Variants in SPTB observed in about 807,000 individuals in gnomAD.
SPTB encodes the protein spectrin beta, erythrocytic.
SPTB carries 45 observed loss-of-function variants against 256.2 expected under a neutral mutation model. That is an observed-to-expected ratio of 0.18 (90% CI 0.14 to 0.23). The LOEUF (loss-of-function observed/expected upper bound fraction) is 0.23, where lower values mean the gene tolerates loss of function less well. Among genes scored for constraint, SPTB ranks in the 10% least tolerant of loss-of-function variants. The pLI is 1.00. For synonymous variants in SPTB, 1,231 were observed against 1,243.1 expected (o/e 0.99, Z 0.21); for missense variants, 2,715 against 3,040.4 (o/e 0.89, Z 2.52).
In SPTB at chr14:64,795,786, G is replaced by T; in HGVS notation, c.1342-147C>A. ...CAGCTAGTTCTGCCTTACTTTTGCAGCCTGTCTTATCAGACCCAAGTTCCA... is the reference window on the plus strand; with the variant it reads ...CAGCTAGTTCTGCCTTACTTTTGCATCCTGTCTTATCAGACCCAAGTTCCA... On this transcript the variant is annotated intron_variant, in intron 11 of 35. Transcript: ENST00000644917. This position sits in a 1 kb window ranked among gnomAD's most constrained non-coding sequence, Gnocchi z 6.5. The T allele has an allele frequency of 3.5e-6, 3 of 861,536 alleles. No homozygotes were observed. Among genetic ancestry groups the T allele is most frequent in the South Asian group, 1.5e-5 (1 of 67,148 alleles). The allele number at this position is 861,536 out of a possible 1,614,324, so 53.4% of individuals were successfully genotyped here. A position where few individuals can be genotyped will look rare whatever the true frequency, so the allele number is the denominator to read the frequency against.
At chr14:64,857,882 G>T (rs395112) in intron 1 of SPTB, among the ~76,000 whole-genome samples, 142,742 of 152,242 alleles carry the variant, frequency 0.94, 67,552 homozygotes, top group Non-Finnish European at 0.98. Flanking sequence ...CTGCTAAAAA[G>T]CAACAAATTT....
intron 13 of SPTB, 150 bp downstream of exon 13, chr14:64,794,317 G>A: frequency 9.2e-7 from 1 of 1,090,866 alleles, no homozygotes; most frequent in Non-Finnish European, 1.3e-6. Context: ...AATTTGGCTG[G>A]TCCCTCAAGC....
At chr14:64,854,118 G>A (rs1430597909) in intron 1 of SPTB, among the ~76,000 whole-genome samples, 8 of 151,018 alleles carry the variant, frequency 5.3e-5, no homozygotes, top group African/African-American at 1.9e-4. Context: ...CTTGAACCCA[G>A]GAGGCAGAAG....
In SPTB at chr14:64,759,043, C is replaced by G. The variant is rs2082057512; in HGVS notation, c.6346-5250G>C. Among the ~76,000 whole-genome samples, 2 of 152,086 alleles carry G rather than the reference C, an allele frequency of 1.3e-5. No individual in the cohort carries two copies. The highest frequency in any genetic ancestry group is 4.1e-4 in the South Asian group (2 of 4,822). ...CAGAATTCTAGAGCTGGAAAGAGGC[C>G]TTGGGGTCATGGGACTCAGCCTCTC... is the stretch of plus-strand genomic sequence containing the variant. On this transcript the variant is annotated intron_variant, in intron 32 of 35. Coordinates refer to ENST00000644917, the MANE Select transcript of SPTB (RefSeq NM_001355436.2). This position sits in a 1 kb window ranked among gnomAD's most constrained non-coding sequence, Gnocchi z 4.8.
chr14:64,872,331 C>A (rs1166249989), intron 1 of SPTB, among the ~76,000 whole-genome samples: 1 of 152,204 alleles, frequency 6.6e-6, no homozygotes, highest in East Asian at 1.9e-4. Flanking sequence ...CCAGGACTAT[C>A]ATCCTGATCC....
intron 31 of SPTB, 112 bp downstream of exon 31, chr14:64,767,191 C>T: frequency 1.5e-6 from 2 of 1,374,814 alleles, no homozygotes; most frequent in Non-Finnish European, 2.1e-6. Context: ...CGAGGGTGCC[C>T]AGTGTGAGAA....
In SPTB at chr14:64,873,385, A is replaced by AGATC. The variant is rs1212460798; in HGVS notation, c.-52+6403_-52+6406dup. On this transcript the variant is annotated intron_variant, in intron 1 of 35. Transcript: ENST00000644917. This position sits in a 1 kb window ranked among gnomAD's most constrained non-coding sequence, Gnocchi z 4.3. ...ACTGACATACAAATCAAGGCCCTCA[A>AGATC]GATCACTGGACAAAAAGAGGCTGCT... Among the ~76,000 whole-genome samples the AGATC allele has an allele frequency of 6.6e-6, 1 of 152,228 alleles. No individual in the cohort carries two copies. The highest frequency in any genetic ancestry group is 2.4e-5 in the African/African-American group (1 of 41,456).
Position 64,795,364 on chromosome 14 carries a change from G to A in SPTB, c.1617C>T (p.His539=), listed in dbSNP as rs758196795. ...TGATCTCATCCATCCAGTCGATGCT[G>A]TGCAGCATGTCCTGGAAGAGCTTCT... ...ALQKLFQDML[H]SIDWMDEIKA... Residue 539 remains histidine (H), a synonymous_variant, in exon 12 of 36, where the codon CAC becomes CAT. Transcript: ENST00000644917. The surrounding 1 kb of genome is among the most constrained non-coding windows in gnomAD (Gnocchi z 6.5). The A allele has an allele frequency of 6.2e-7, 1 of 1,612,352 alleles. No individual in the cohort carries two copies.
At chr14:64,797,657 G>T in intron 10 of SPTB, 72 bp downstream of exon 10, 2 of 1,189,946 alleles carry the variant, frequency 1.7e-6, no homozygotes, top group South Asian at 2.4e-5. Flanking sequence ...CTGGTCCAAT[G>T]ACCATTCACT....
At chr14:64,862,700 C>G (rs1458394666) in intron 1 of SPTB, among the ~76,000 whole-genome samples, 1 of 151,868 alleles carries the variant, frequency 6.6e-6, no homozygotes, top group Non-Finnish European at 1.5e-5. Flanking sequence ...ATGGTGAAAC[C>G]CCGTCTCTAC....
At chr14:64,856,967 G>C (rs2139790159) in intron 1 of SPTB, among the ~76,000 whole-genome samples, 1 of 152,276 alleles carries the variant, frequency 6.6e-6, no homozygotes, top group East Asian at 1.9e-4. Flanking sequence ...AAGAAAATTT[G>C]AGTCCATGCT....
chr14:64,878,708 T>C (rs1032542898), intron 1 of SPTB, among the ~76,000 whole-genome samples: 2 of 152,106 alleles, frequency 1.3e-5, no homozygotes, highest in African/African-American at 4.8e-5. Flanking sequence ...GACTGCCTCC[T>C]ACCTGGAGGT....
intron 1 of SPTB, among the ~76,000 whole-genome samples, chr14:64,874,049 C>A (rs190139271): frequency 1.1e-4 from 16 of 152,262 alleles, no homozygotes; most frequent in South Asian, 4.1e-4. Flanking sequence ...TTTCATCACA[C>A]CCCTTTATGA....
chr14:64,779,836 C>CA lies in SPTB; in HGVS notation c.4361dup (p.Leu1454PhefsTer37). On this transcript the variant is annotated frameshift_variant, in exon 21 of 36. Coordinates refer to ENST00000644917, the MANE Select transcript of SPTB (RefSeq NM_001355436.2). LOFTEE classifies it high-confidence loss of function. The surrounding 1 kb of genome is among the most constrained non-coding windows in gnomAD (Gnocchi z 4.2). The stretch of plus-strand genomic sequence containing the variant: ...GGTCCAGGAACCGCTTCTCGATGCT[C>CA]AAGTCTGCATCTCCTCCCTCCTCTC... The CA allele has an allele frequency of 6.2e-7, 1 of 1,614,158 alleles. No individual in the cohort carries two copies. Among genetic ancestry groups the CA allele is most frequent in the Non-Finnish European group, 8.5e-7 (1 of 1,180,026 alleles).
In SPTB at chr14:64,786,421, C is replaced by T; in HGVS notation, c.3544G>A (p.Ala1182Thr). Residue 1182 changes from alanine (A) to threonine (T), a missense_variant, in exon 16 of 36, where the codon GCC (alanine) becomes ACC (threonine). Coordinates refer to ENST00000644917, the MANE Select transcript of SPTB (RefSeq NM_001355436.2). The surrounding 1 kb of genome is among the most constrained non-coding windows in gnomAD (Gnocchi z 5.6). ...CTCTCTACCTGGTTGCTGAGGATGG[C>T]TTCAGCCTGCTTGGCATCTTTCTGG... ...EFQKDAKQAE[A>T]ILSNQEYTLA... is the part of the protein sequence containing the mutation. 1 of 1,614,122 alleles carries T rather than the reference C, an allele frequency of 6.2e-7. No individual in the cohort carries two copies. Among genetic ancestry groups the T allele is most frequent in the Non-Finnish European group, 8.5e-7 (1 of 1,180,036 alleles).
At position 64,786,281 on chromosome 14, in the gene SPTB, A is replaced by G. The variant is rs2082566433; in HGVS notation, c.3561+123T>C. 7 of 1,341,404 alleles carry G rather than the reference A, an allele frequency of 5.2e-6. No individual in the cohort carries two copies. Among genetic ancestry groups the G allele is most frequent in the Non-Finnish European group, 7.4e-6 (7 of 943,990 alleles). The allele number at this position is 1,341,404 out of a possible 1,614,324, so 83.1% of individuals were successfully genotyped here. A position where few individuals can be genotyped will look rare whatever the true frequency, so the allele number is the denominator to read the frequency against. ...ATGAGAAACAAAGATTTCCCCCATG[A>G]GTGAATACAGAGTACAAGACAAGAG... is the stretch of plus-strand genomic sequence containing the variant. On this transcript the variant is annotated intron_variant, in intron 16 of 35. Coordinates refer to ENST00000644917, the MANE Select transcript of SPTB (RefSeq NM_001355436.2). The surrounding 1 kb of genome is among the most constrained non-coding windows in gnomAD (Gnocchi z 5.6).
Position 64,792,899 on chromosome 14 carries a change from G to A in SPTB, c.2666+98C>T, listed in dbSNP as rs2082698865. ...AAAGGACATCCCAGGGCCTCTCAAA[G>A]AGACCTTTGCTGATCCAGAGACTAT... On this transcript the variant is annotated intron_variant, in intron 14 of 35. Coordinates refer to ENST00000644917, the MANE Select transcript of SPTB (RefSeq NM_001355436.2). The surrounding 1 kb of genome is among the most constrained non-coding windows in gnomAD (Gnocchi z 4.2). 3 of 1,556,880 alleles carry A rather than the reference G, an allele frequency of 1.9e-6. No individual in the cohort carries two copies. In the South Asian group the frequency reaches 3.4e-5, roughly 18 times the overall value.
chr14:64,804,457 TG>T (rs1352865534), intron 3 of SPTB, among the ~76,000 whole-genome samples: 1 of 152,242 alleles, frequency 6.6e-6, no homozygotes. Flanking sequence ...AAGCTTACTC[TG>T]GGCTGAGCAA....
chr14:64,750,205 A>G (rs1322092459), intron 33 of SPTB, 51 bp from the exon 34 acceptor site: 3 of 1,581,052 alleles, frequency 1.9e-6, no homozygotes, highest in South Asian at 1.1e-5. Context: ...TGGTATCTCT[A>G]GAGTCAATTC....
Sources: allele counts gnomAD v4.1 joint callset (sites outside exome capture counted in the v4.1 genomes callset), GRCh38; gene constraint gnomAD v4.1.1; non-coding constraint Gnocchi (gnomAD v3.1); transcripts MANE v1.5; gene names NCBI Gene and HGNC (gene_info 2026-07-23, HGNC 2026-07-21).